TAF4B: variants seen among roughly 807,000 people sequenced by gnomAD.
TAF4B encodes TATA-box binding protein associated factor 4b.
TAF4B carries 38 observed loss-of-function variants against 86.4 expected under a neutral mutation model. The observed-to-expected ratio is 0.44, with a 90% CI of 0.34 to 0.58. TAF4B has a LOEUF of 0.58. Ranked by LOEUF, TAF4B falls within the 20% of genes least tolerant of loss-of-function variation. The pLI, the probability that TAF4B is intolerant of heterozygous loss-of-function variation, is 0.02. For missense variants in TAF4B, 988 were observed against 1,027.6 expected, an observed-to-expected ratio of 0.96 and a Z score of 0.53; for synonymous variants, 388 against 391.2, an observed-to-expected ratio of 0.99 and a Z score of 0.10.
At position 26,226,676 on chromosome 18, in the gene TAF4B, T is replaced by C. The variant is rs2055579224; in HGVS notation, c.-258T>C. The C allele has an allele frequency of 5.5e-6, 2 of 366,342 alleles. No individual in the cohort carries two copies. The highest frequency in any genetic ancestry group is 8.3e-5 in the East Asian group (2 of 24,142). 22.7% of individuals were successfully genotyped at this position (366,342 alleles called of 1,614,324 possible). A position where few individuals can be genotyped will look rare whatever the true frequency, so the allele number is the denominator to read the frequency against. Reference sequence around the variant, plus strand: ...GAGGCAGCGCACGTGTGAGCGCCGCTGAGGAAGCTGCGAGAGGTCGGGCGG... The same window carrying C: ...GAGGCAGCGCACGTGTGAGCGCCGCCGAGGAAGCTGCGAGAGGTCGGGCGG... On this transcript the variant is annotated 5_prime_UTR_variant, in exon 1 of 15. Transcript: ENST00000269142.
chr18:26,330,015 G>A (rs1247831828), intron 12 of TAF4B, among the ~76,000 whole-genome samples: 2 of 151,970 alleles, frequency 1.3e-5, no homozygotes, highest in African/African-American at 4.8e-5. Context: ...TATTGCCCAG[G>A]CTCATTTTTC....
chr18:26,306,079 T>G (rs925213921), intron 9 of TAF4B, among the ~76,000 whole-genome samples: 6 of 152,248 alleles, frequency 3.9e-5, no homozygotes, highest in African/African-American at 1.2e-4. Context: ...GTCTGTGGTG[T>G]TAGGGATCCG....
intron 9 of TAF4B, among the ~76,000 whole-genome samples, chr18:26,312,011 G>A (rs892008868): frequency 6.6e-6 from 1 of 152,174 alleles, no homozygotes; most frequent in Non-Finnish European, 1.5e-5. Context: ...TATTTGCCTA[G>A]TTCCCTGTAA....
intron 3 of TAF4B, among the ~76,000 whole-genome samples, chr18:26,267,865 G>A (rs957404043): frequency 6.6e-6 from 1 of 152,164 alleles, no homozygotes; most frequent in Non-Finnish European, 1.5e-5. Flanking sequence ...CTGCCTAATA[G>A]CCATGTGTTG....
In TAF4B at chr18:26,368,501, A is replaced by T. The variant is rs188420448; in HGVS notation, c.2421+10707A>T. ...TTTAATTTGCATTTCCTTAAGGGGC[A>T]CAGATAGCAGTCCCTCTTTACCTCC... On this transcript the variant is annotated intron_variant, in intron 14 of 14. Transcript: ENST00000269142. 3.5e-3 allele frequency among the ~76,000 whole-genome samples: 536 copies of T among 152,338 alleles called. 2 individuals are homozygous for T. The highest frequency in any genetic ancestry group is 6.8e-3 in the Middle Eastern group (2 of 294).
At chr18:26,301,943 C>T (rs58757965) in intron 9 of TAF4B, among the ~76,000 whole-genome samples, 16,891 of 152,184 alleles carry the variant, frequency 0.11, 967 homozygotes, top group African/African-American at 0.14. Flanking sequence ...GGAAAAAAAA[C>T]ATGGAGAAAT....
chr18:26,352,406 T>C (rs1181602310), intron 13 of TAF4B, among the ~76,000 whole-genome samples: 4 of 151,820 alleles, frequency 2.6e-5, no homozygotes, highest in African/African-American at 7.3e-5. Context: ...AAGAGCAATA[T>C]AGATCCAAAG....
chr18:26,296,451 C>G (rs940887505), intron 9 of TAF4B, among the ~76,000 whole-genome samples: 2 of 146,734 alleles, frequency 1.4e-5, no homozygotes, highest in South Asian at 2.2e-4. Flanking sequence ...TTTTCCATCT[C>G]TTTTTGCCTG....
At chr18:26,240,241 G>T (rs1229337251) in intron 1 of TAF4B, among the ~76,000 whole-genome samples, 1 of 152,112 alleles carries the variant, frequency 6.6e-6, no homozygotes, top group Non-Finnish European at 1.5e-5. Context: ...TCTTCCATTT[G>T]TGTCCTCTTT....
rs190681137 is a variant in TAF4B, at chr18:26,358,537, T to C, written c.2421+743T>C. 5.8e-3 allele frequency among the ~76,000 whole-genome samples: 888 copies of C among 152,190 alleles called. 8 individuals are homozygous for C. Among genetic ancestry groups the C allele is most frequent in the African/African-American group, 0.016 (679 of 41,520 alleles). ...CATCCTGTTTAACACGGTGAAAACC[T>C]GTCTCTACTAAAAATATAAAAAATT... On this transcript the variant is annotated intron_variant, in intron 14 of 14. Transcript: ENST00000269142.
chr18:26,299,171 T>C (rs1030839690), intron 9 of TAF4B, among the ~76,000 whole-genome samples: 7 of 151,942 alleles, frequency 4.6e-5, no homozygotes, highest in Admixed American at 2.6e-4. Context: ...CTTTTTTTTT[T>C]CTTTTTTAAG....
intron 3 of TAF4B, among the ~76,000 whole-genome samples, chr18:26,269,343 A>G (rs983907055): frequency 1.6e-4 from 25 of 152,148 alleles, no homozygotes; most frequent in African/African-American, 5.8e-4. Context: ...TTTTGATTCA[A>G]TGAGTATGCT....
intron 3 of TAF4B, among the ~76,000 whole-genome samples, chr18:26,274,342 T>C (rs1441901809): frequency 2.0e-5 from 3 of 152,232 alleles, no homozygotes; most frequent in Admixed American, 2.0e-4. Context: ...GCTTTAGCAC[T>C]GTTTTTCACA....
rs761573476 is a variant in TAF4B at position 26,226,989 on chromosome 18, C to A, written c.56C>A (p.Ala19Asp). Reference protein sequence around the residue: ...AGAAPPAAVSASGTVTMAPAG... With the variant: ...AGAAPPAAVSDSGTVTMAPAG... ...GCCGCTCCCCCGGCTGCTGTGAGCG[C>A]CTCGGGGACCGTGACCATGGCCCCG... The change falls in exon 1 of 15, where the codon GCC becomes GAC. Residue 19 changes from alanine to aspartate, a missense_variant. Ala to Asp is a moderately radical substitution (Grantham distance 126). Around this residue, in one of 3 missense-constraint regions of TAF4B, gnomAD observed 747 missense variants for 737.9 expected, o/e 1.01. Coordinates refer to ENST00000269142, the MANE Select transcript of TAF4B (RefSeq NM_005640.3). 6 of 1,422,674 alleles carry A rather than the reference C, an allele frequency of 4.2e-6. No individual in the cohort carries two copies. The highest frequency in any genetic ancestry group is 5.4e-6 in the Non-Finnish European group (6 of 1,101,934). 88.1% of individuals were successfully genotyped at this position (1,422,674 alleles called of 1,614,324 possible).
Position 26,267,620 on chromosome 18 carries a change from A to G in TAF4B, c.594A>G (p.Val198=). The change falls in exon 3 of 15, where the codon GTA becomes GTG. Residue 198 remains valine, a synonymous_variant. Transcript: ENST00000269142. ...CCACTGTTCCGAAGCCTTCCTCAGTACAAGTAAGTTGTGCTGGCCATTCGT... is the reference window on the plus strand; with the variant it reads ...CCACTGTTCCGAAGCCTTCCTCAGTGCAAGTAAGTTGTGCTGGCCATTCGT... The part of the protein sequence containing the change: ...VVTTVPKPSS[V]QSVAVPTSVV... 1.2e-6 allele frequency: 2 copies of G among 1,610,826 alleles called. No individual in the cohort carries two copies. The highest frequency in any genetic ancestry group is 2.2e-5 in the South Asian group (2 of 90,924).
At chr18:26,373,717 C>T (rs1273468123) in intron 14 of TAF4B, among the ~76,000 whole-genome samples, 1 of 152,052 alleles carries the variant, frequency 6.6e-6, no homozygotes, top group Non-Finnish European at 1.5e-5. Flanking sequence ...TTCTTTCCAT[C>T]CTTTTTTTAG....
intron 1 of TAF4B, among the ~76,000 whole-genome samples, chr18:26,261,132 T>C (rs377218203): frequency 6.6e-6 from 1 of 152,014 alleles, no homozygotes; most frequent in African/African-American, 2.4e-5. Context: ...GCTGCTGATG[T>C]TACTTTTTAG....
In TAF4B at chr18:26,386,103, T is replaced by C. The variant is rs189737495; in HGVS notation, c.2422-3742T>C. Among the ~76,000 whole-genome samples, 483 of 152,286 alleles carry C rather than the reference T, an allele frequency of 3.2e-3. 2 individuals carry two copies. Among genetic ancestry groups the C allele is most frequent in the Non-Finnish European group, 5.6e-3 (378 of 68,004 alleles). ...ATAAAGTTGTGAATTATGAAAGACA[T>C]TTCTGTTGGGTTACTGAATGTCCCT... On this transcript the variant is annotated intron_variant, in intron 14 of 14. Transcript: ENST00000269142.
chr18:26,318,235 A>G (rs2144671276), intron 10 of TAF4B, among the ~76,000 whole-genome samples: 1 of 152,164 alleles, frequency 6.6e-6, no homozygotes, highest in East Asian at 1.9e-4. Flanking sequence ...GGGTCTCACT[A>G]TGTTGCCCAG....
Sources: allele counts gnomAD v4.1 joint callset (sites outside exome capture counted in the v4.1 genomes callset), GRCh38; gene constraint gnomAD v4.1.1; regional missense constraint gnomAD v4.1.1; transcripts MANE v1.5; gene names NCBI Gene and HGNC (gene_info 2026-07-23, HGNC 2026-07-21).